PSG3: variants seen among roughly 807,000 people sequenced by gnomAD.
PSG3 encodes pregnancy-specific beta-1-glycoprotein 3.
PSG3 carries 61 observed loss-of-function variants against 47.5 expected under a neutral mutation model. The observed-to-expected ratio is 1.28, with a 90% confidence interval of 1.05 to 1.59. The LOEUF is 1.59. Ranked by LOEUF, PSG3 falls within the 40% of genes most tolerant of loss-of-function variation. PSG3 has a pLI of 0.00. For synonymous variants in PSG3, 263 were observed against 198.4 expected, an observed-to-expected ratio of 1.33 and a Z score of -2.74; for missense variants, 756 against 524.0, an observed-to-expected ratio of 1.44 and a Z score of -4.32.
chr19:42,731,195 A>G (rs1391869287), intron 3 of PSG3, among the ~76,000 whole-genome samples: 1 of 152,236 alleles, frequency 6.6e-6, no homozygotes, highest in Non-Finnish European at 1.5e-5. Context: ...CTTGATGCCT[A>G]TAGTTCACAC....
intron 5 of PSG3, among the ~76,000 whole-genome samples, chr19:42,725,338 C>T (rs1002601529): frequency 3.9e-5 from 6 of 152,136 alleles, no homozygotes; most frequent in African/African-American, 1.4e-4. Context: ...GGTCAACAAC[C>T]TACTTTAATA....
intron 5 of PSG3, among the ~76,000 whole-genome samples, chr19:42,725,890 C>CAAAAAAAAAAAAAAAAAAAACA (rs200684147): frequency 1.5e-5 from 1 of 68,052 alleles, no homozygotes; most frequent in African/African-American, 6.2e-5. Flanking sequence ...CAACAACAAC[C>CAAAAAAAAAAAAAAAAAAAACA]AAAAAAAAAA....
At chr19:42,737,341 C>T (rs1969581875) in intron 2 of PSG3, among the ~76,000 whole-genome samples, 1 of 152,032 alleles carries the variant, frequency 6.6e-6, no homozygotes, top group Admixed American at 6.6e-5. Context: ...TTTCTTCATT[C>T]CATTTCTTCA....
At chr19:42,722,159 C>G (rs1225852597) in intron 6 of PSG3, 69 bp from the exon 7 acceptor site, 1 of 403,802 alleles carries the variant, frequency 2.5e-6, no homozygotes, top group Non-Finnish European at 4.4e-6. Context: ...GGTAAAGACA[C>G]AGCTCACAAA....
chr19:42,732,626 C>A lies in PSG3; in HGVS notation c.709+158G>T. 5 of 1,536,060 alleles carry A rather than the reference C, an allele frequency of 3.3e-6. No individual in the cohort carries two copies. The South Asian group carries it at 5.8e-5, about 18-fold the overall frequency. ...TCTCCTATTGTTGATCAAGCCTAGG[C>A]CTACTCTGGTTTGCCTGGGGCAGAA... On this transcript the variant is annotated intron_variant, in intron 3 of 6. Coordinates refer to ENST00000327495, the MANE Select transcript of PSG3 (RefSeq NM_021016.4).
At chr19:42,728,330 C>T (rs1223362832) in intron 5 of PSG3, among the ~76,000 whole-genome samples, 1 of 152,176 alleles carries the variant, frequency 6.6e-6, no homozygotes, top group Admixed American at 6.5e-5. Flanking sequence ...CCTTTCCTGC[C>T]ATGCAGAGCC....
intron 1 of PSG3, 120 bp downstream of exon 1, chr19:42,740,201 C>A: frequency 6.3e-7 from 1 of 1,590,574 alleles, no homozygotes; most frequent in East Asian, 2.2e-5. Flanking sequence ...ATCCACCCTC[C>A]TCAGCCTCCC....
chr19:42,734,159 T>G (rs1271909994), intron 2 of PSG3: 1 of 152,224 alleles, frequency 6.6e-6, no homozygotes, highest in Admixed American at 6.5e-5. Context: ...TTATGCAGGA[T>G]GAGGAGGTTC....
rs998401763 is a variant in PSG3, at chr19:42,732,632, C to A, written c.709+152G>T. The A allele has an allele frequency of 3.2e-6, 5 of 1,557,652 alleles. No individual in the cohort carries two copies. In the African/African-American group the frequency reaches 6.8e-5, roughly 21 times the overall value. On this transcript the variant is annotated intron_variant, in intron 3 of 6. Coordinates refer to ENST00000327495, the MANE Select transcript of PSG3 (RefSeq NM_021016.4). The stretch of plus-strand genomic sequence containing the variant: ...ATTGTTGATCAAGCCTAGGCCTACT[C>A]TGGTTTGCCTGGGGCAGAAAGTCAT...
chr19:42,722,314 G>A (rs1467200421), intron 6 of PSG3, among the ~76,000 whole-genome samples: 1 of 152,016 alleles, frequency 6.6e-6, no homozygotes, highest in Non-Finnish European at 1.5e-5. Flanking sequence ...GCAGTGGTGC[G>A]ATCCCAGTTC....
intron 6 of PSG3, among the ~76,000 whole-genome samples, chr19:42,722,342 C>T (rs1742978437): frequency 6.6e-6 from 1 of 152,172 alleles, no homozygotes; most frequent in Non-Finnish European, 1.5e-5. Flanking sequence ...GCTCCGCCTC[C>T]CGGGTTCCTG....
At chr19:42,739,986 A>T (rs1298733301) in intron 1 of PSG3, among the ~76,000 whole-genome samples, 3 of 143,820 alleles carry the variant, frequency 2.1e-5, no homozygotes, top group Non-Finnish European at 4.5e-5. Context: ...GGAGTCTTGT[A>T]CTGTCGCCCA....
At chr19:42,722,651 T>A (rs1169935943) in intron 6 of PSG3, among the ~76,000 whole-genome samples, 2 of 152,200 alleles carry the variant, frequency 1.3e-5, no homozygotes, top group Non-Finnish European at 2.9e-5. Context: ...ATAATTTAAC[T>A]TATCAAATAA....
At position 42,738,649 on chromosome 19, in the gene PSG3, C is replaced by T. The variant is rs372282926; in HGVS notation, c.430+75G>A. 8.8e-5 allele frequency: 142 copies of T among 1,611,106 alleles called. No homozygotes were observed. The East Asian group carries it at 2.6e-3, about 30-fold the overall frequency. ...TGCAGAGAGGGACACAGGCACAATC[C>T]AGGCCTGACAATCCTTTGTGTGTGA... On this transcript the variant is annotated intron_variant, in intron 2 of 6. Transcript: ENST00000327495.
intron 3 of PSG3, chr19:42,732,467 G>T (rs1969487760): frequency 1.8e-6 from 1 of 548,430 alleles, no homozygotes; most frequent in South Asian, 2.3e-5. Context: ...CAGTGACCCT[G>T]TGAGCCAAGT....
intron 5 of PSG3, among the ~76,000 whole-genome samples, chr19:42,724,773 C>G (rs540703943): frequency 5.9e-5 from 9 of 152,120 alleles, no homozygotes; most frequent in African/African-American, 2.2e-4. Context: ...TCAGTAAAAA[C>G]TAACATACCA....
chr19:42,735,293 C>G (rs1412935220), intron 2 of PSG3, among the ~76,000 whole-genome samples: 8 of 152,130 alleles, frequency 5.3e-5, no homozygotes, highest in Non-Finnish European at 1.0e-4. Context: ...TTGACATATC[C>G]TCAAGCTAGG....
chr19:42,725,806 G>T (rs1969366739), intron 5 of PSG3, among the ~76,000 whole-genome samples: 1 of 147,616 alleles, frequency 6.8e-6, no homozygotes, highest in Admixed American at 6.8e-5. Flanking sequence ...TGAGGCTGCA[G>T]TGAGCCATAA....
At chr19:42,737,130 G>A (rs1328558713) in intron 2 of PSG3, among the ~76,000 whole-genome samples, 1 of 152,074 alleles carries the variant, frequency 6.6e-6, no homozygotes, top group Non-Finnish European at 1.5e-5. Context: ...CAGTTCCACA[G>A]TCCAGGACCA....
Sources: gnomAD v4.1 joint callset for allele counts (sites outside exome capture counted in the v4.1 genomes callset) on GRCh38, gnomAD v4.1.1 for gene constraint, MANE v1.5 for transcripts, NCBI Gene and HGNC (gene_info 2026-07-23, HGNC 2026-07-21) for gene names.